NELL1: variants seen among roughly 807,000 people sequenced by gnomAD.
The protein encoded by NELL1 is protein kinase C-binding protein NELL1.
NELL1 carries 76 observed loss-of-function variants against 107.4 expected under a neutral mutation model. The observed-to-expected ratio is 0.71, with a 90% confidence interval of 0.59 to 0.86. The LOEUF (loss-of-function observed/expected upper bound fraction) is 0.86. Among genes scored for constraint, NELL1 ranks in the 40% least tolerant of loss-of-function variants. The pLI is 0.00. For missense variants in NELL1, 1,024 were observed against 1,005.5 expected, an observed-to-expected ratio of 1.02 and a Z score of -0.25; for synonymous variants, 353 against 341.2, an observed-to-expected ratio of 1.03 and a Z score of -0.38.
At chr11:20,704,072 T>A (rs777537796) in intron 2 of NELL1, among the ~76,000 whole-genome samples, 1 of 152,160 alleles carries the variant, frequency 6.6e-6, no homozygotes, top group South Asian at 2.1e-4. Context: ...TAACTCTCTG[T>A]CTTGCTGATC....
At chr11:20,924,113 A>C (rs1166843787) in intron 7 of NELL1, among the ~76,000 whole-genome samples, 1 of 152,198 alleles carries the variant, frequency 6.6e-6, no homozygotes, top group Admixed American at 6.5e-5. Context: ...ACAATCTTAG[A>C]GAAAGTGTCA....
At chr11:21,404,892 T>G (rs1194628818) in intron 15 of NELL1, among the ~76,000 whole-genome samples, 1 of 152,028 alleles carries the variant, frequency 6.6e-6, no homozygotes, top group Non-Finnish European at 1.5e-5. Context: ...GTTTTTAATT[T>G]CTGCTTCTCA....
At chr11:20,895,834 A>C (rs534556182) in intron 5 of NELL1, among the ~76,000 whole-genome samples, 7 of 152,120 alleles carry the variant, frequency 4.6e-5, no homozygotes, top group Non-Finnish European at 7.4e-5. Context: ...TGCCTGGCTT[A>C]TTTCACTTAA....
chr11:20,945,499 T>C (rs950362242), intron 10 of NELL1, among the ~76,000 whole-genome samples: 1 of 152,204 alleles, frequency 6.6e-6, no homozygotes. Flanking sequence ...AAAGCATTGA[T>C]AAACCTAGAG....
chr11:20,960,367 C>T, intron 11 of NELL1, 65 bp from the exon 12 acceptor site: 1 of 1,511,960 alleles, frequency 6.6e-7, no homozygotes, highest in Non-Finnish European at 9.1e-7. Context: ...ATGTTACATA[C>T]TTTATTTTGG....
intron 14 of NELL1, among the ~76,000 whole-genome samples, chr11:21,266,088 C>G (rs1353023906): frequency 6.6e-6 from 1 of 152,054 alleles, no homozygotes; most frequent in African/African-American, 2.4e-5. Context: ...CCCTAACCCT[C>G]CTAGTCCAGA....
intron 4 of NELL1, among the ~76,000 whole-genome samples, chr11:20,864,773 A>C (rs1456161209): frequency 6.6e-6 from 1 of 152,212 alleles, no homozygotes; most frequent in Non-Finnish European, 1.5e-5. Flanking sequence ...CTTCACACTT[A>C]CTTTTATCTC....
At chr11:20,684,033 T>C (rs926979856) in intron 2 of NELL1, among the ~76,000 whole-genome samples, 1 of 150,868 alleles carries the variant, frequency 6.6e-6, no homozygotes, top group African/African-American at 2.4e-5. Flanking sequence ...TTTTTTTTTT[T>C]CTGTAGTGAC....
At chr11:20,972,602 G>A (rs1349389278) in intron 12 of NELL1, among the ~76,000 whole-genome samples, 3 of 152,168 alleles carry the variant, frequency 2.0e-5, no homozygotes, top group East Asian at 1.9e-4. Flanking sequence ...TGAAAACCTG[G>A]AGTTACCAAA....
chr11:21,533,361 G>A (rs1856043902), intron 15 of NELL1, among the ~76,000 whole-genome samples: 4 of 152,094 alleles, frequency 2.6e-5, no homozygotes, highest in Non-Finnish European at 5.9e-5. Flanking sequence ...TGTTCATTAT[G>A]GGTTAGATTC....
chr11:20,711,439 G>A (rs1437833087), intron 2 of NELL1, among the ~76,000 whole-genome samples: 2 of 151,852 alleles, frequency 1.3e-5, no homozygotes, highest in East Asian at 3.9e-4. Flanking sequence ...TAAGTACCTT[G>A]TATTTTTTTC....
At chr11:21,471,766 C>T (rs1216329371) in intron 15 of NELL1, among the ~76,000 whole-genome samples, 1 of 151,960 alleles carries the variant, frequency 6.6e-6, no homozygotes, top group Non-Finnish European at 1.5e-5. Context: ...CTGTTGACTC[C>T]TAAGTTCATG....
At chr11:21,043,730 G>A (rs745533664) in intron 12 of NELL1, among the ~76,000 whole-genome samples, 1 of 152,146 alleles carries the variant, frequency 6.6e-6, no homozygotes. Context: ...GAAGATAAAG[G>A]AAAGTGAATG....
At chr11:21,424,384 G>C (rs796352342) in intron 15 of NELL1, among the ~76,000 whole-genome samples, 3 of 152,242 alleles carry the variant, frequency 2.0e-5, no homozygotes, top group African/African-American at 7.2e-5. Context: ...ACTTTGGGAG[G>C]CTGAGGCCGG....
At chr11:20,823,255 T>C (rs1857799673) in intron 3 of NELL1, among the ~76,000 whole-genome samples, 1 of 151,202 alleles carries the variant, frequency 6.6e-6, no homozygotes, top group South Asian at 2.1e-4. Context: ...ATGAGGAAGA[T>C]GCAAAAGCAG....
chr11:21,538,012 A>T (rs1398055479), intron 16 of NELL1, among the ~76,000 whole-genome samples: 1 of 152,198 alleles, frequency 6.6e-6, no homozygotes, highest in Non-Finnish European at 1.5e-5. Context: ...TCTTAATAAC[A>T]TAGCTTAATA....
chr11:20,866,102 A>C (rs1849089988), intron 4 of NELL1, among the ~76,000 whole-genome samples: 1 of 152,208 alleles, frequency 6.6e-6, no homozygotes, highest in South Asian at 2.1e-4. Context: ...AATGTTATGT[A>C]AACTGTAATG....
chr11:21,209,086 A>G (rs1369073846), intron 13 of NELL1, among the ~76,000 whole-genome samples: 4 of 152,176 alleles, frequency 2.6e-5, no homozygotes, highest in African/African-American at 4.8e-5. Context: ...AAGGAGTCCA[A>G]TAATGAATGA....
intron 13 of NELL1, among the ~76,000 whole-genome samples, chr11:21,210,899 G>C (rs538147614): frequency 2.7e-4 from 41 of 152,182 alleles, no homozygotes; most frequent in African/African-American, 9.9e-4. Flanking sequence ...CCTGTCTACA[G>C]CTTCTGATAC....
Sources: gnomAD v4.1 joint callset for allele counts (sites outside exome capture counted in the v4.1 genomes callset) on GRCh38, gnomAD v4.1.1 for gene constraint, MANE v1.5 for transcripts, NCBI Gene and HGNC (gene_info 2026-07-23, HGNC 2026-07-21) for gene names.